SNED1: variants seen among roughly 807,000 people sequenced by gnomAD.
SNED1 encodes sushi, nidogen and EGF-like domain-containing protein 1.
Under a neutral mutation model 166.7 loss-of-function variants are expected in SNED1, and 81 were observed. That is an observed-to-expected ratio of 0.49 (90% CI 0.41 to 0.58). SNED1 has a LOEUF of 0.58. Among genes scored for constraint, SNED1 ranks in the 20% least tolerant of loss-of-function variants. SNED1 has a pLI of 0.00. For missense variants in SNED1, 1,604 were observed against 2,000.2 expected, an observed-to-expected ratio of 0.80 and a Z score of 3.78; for synonymous variants, 762 against 822.0, an observed-to-expected ratio of 0.93 and a Z score of 1.25.
At chr2:241,090,457 A>G (rs755121131) in intron 31 of SNED1, 8 of 1,531,566 alleles carry the variant, frequency 5.2e-6, no homozygotes, top group South Asian at 4.8e-5. Context: ...ACTCTAAAAT[A>G]ATGATGAAGA....
chr2:241,025,819 T>C (rs1016428924), intron 1 of SNED1, among the ~76,000 whole-genome samples: 1 of 152,104 alleles, frequency 6.6e-6, no homozygotes, highest in African/African-American at 2.4e-5. Context: ...CATTGTTGTA[T>C]ATGAGAAGTC....
intron 1 of SNED1, among the ~76,000 whole-genome samples, chr2:241,024,235 C>CTTTA (rs2060867517): frequency 2.1e-5 from 1 of 46,908 alleles, no homozygotes; most frequent in African/African-American, 8.4e-5. Context: ...ACTCTACTAC[C>CTTTA]TTTTTTTTTT....
chr2:241,005,084 A>C (rs1011969255), intron 1 of SNED1, among the ~76,000 whole-genome samples: 1 of 151,912 alleles, frequency 6.6e-6, no homozygotes, highest in Non-Finnish European at 1.5e-5. Context: ...AAAGTCTTTT[A>C]TATTTACCCA....
At chr2:241,076,275 G>A (rs1446741396) in intron 27 of SNED1, among the ~76,000 whole-genome samples, 1 of 152,002 alleles carries the variant, frequency 6.6e-6, no homozygotes, top group Non-Finnish European at 1.5e-5. Context: ...CATGGACATG[G>A]GATGTCTCTC....
chr2:241,001,899 G>A (rs2060088019), intron 1 of SNED1, among the ~76,000 whole-genome samples: 1 of 152,182 alleles, frequency 6.6e-6, no homozygotes, highest in Non-Finnish European at 1.5e-5. Flanking sequence ...CCGCAGGCAA[G>A]AAGGAGGAAT....
In SNED1 at chr2:241,068,594, G is replaced by T. The variant is rs12993047; in HGVS notation, c.3195-317G>T. ...ATCAACTCACCTGTGCTGAGGGCCC[G>T]TCCCCCATCCCTGCACAGTGACCAC... On this transcript the variant is annotated intron_variant, in intron 22 of 31. Coordinates refer to ENST00000310397, the MANE Select transcript of SNED1 (RefSeq NM_001080437.3). This position sits in a 1 kb window ranked among gnomAD's most constrained non-coding sequence, Gnocchi z 5.3. Among the ~76,000 whole-genome samples the T allele has an allele frequency of 6.6e-6, 1 of 151,788 alleles. No individual in the cohort carries two copies. Among genetic ancestry groups the T allele is most frequent in the African/African-American group, 2.4e-5 (1 of 41,290 alleles).
intron 21 of SNED1, among the ~76,000 whole-genome samples, chr2:241,066,284 G>A (rs1328375229): frequency 1.3e-5 from 2 of 152,184 alleles, no homozygotes; most frequent in African/African-American, 4.8e-5. Flanking sequence ...GATGCTGAGC[G>A]CTCTAGGGAA....
intron 1 of SNED1, among the ~76,000 whole-genome samples, chr2:241,020,587 C>G (rs761530196): frequency 3.9e-5 from 6 of 152,208 alleles, no homozygotes; most frequent in Non-Finnish European, 5.9e-5. Flanking sequence ...GCCACCAGGA[C>G]CTGTTGGGCG....
In SNED1 at chr2:241,036,741, C is replaced by A. The variant is rs374218670; in HGVS notation, c.806-49C>A. 52 of 1,598,356 alleles carry A rather than the reference C, an allele frequency of 3.3e-5. 1 individual carries two copies. In the East Asian group the frequency reaches 1.2e-3, roughly 36 times the overall value. ...ATGCGGATGGGAGTGGCTCTCCTGC[C>A]GAGTCCGGAGGCAGCGGCTGAGGCT... On this transcript the variant is annotated intron_variant, in intron 4 of 31. Coordinates refer to ENST00000310397, the MANE Select transcript of SNED1 (RefSeq NM_001080437.3).
At chr2:241,076,046 C>A (rs1650621553) in intron 27 of SNED1, among the ~76,000 whole-genome samples, 4 of 152,230 alleles carry the variant, frequency 2.6e-5, no homozygotes, top group African/African-American at 9.6e-5. Flanking sequence ...TTCACTCTAA[C>A]TTTGTAAGTC....
At chr2:241,090,213 T>A in intron 31 of SNED1, 1 of 1,478,860 alleles carries the variant, frequency 6.8e-7, no homozygotes, top group South Asian at 1.4e-5. Context: ...AATTTTTAAT[T>A]GTTTTTTACT....
intron 1 of SNED1, among the ~76,000 whole-genome samples, chr2:241,012,824 T>C (rs192131054): frequency 0.041 from 4,781 of 116,938 alleles, 111 homozygotes; most frequent in Admixed American, 0.05. Flanking sequence ...GTTTTTTTTT[T>C]CTTTTTTTTT....
chr2:241,062,954 A>G (rs2062290225), intron 17 of SNED1, 50 bp downstream of exon 17: 1 of 1,246,942 alleles, frequency 8.0e-7, no homozygotes, highest in South Asian at 1.4e-5. Context: ...CACACTGGCC[A>G]TGTGCCTGAG....
At chr2:241,078,516 G>T (rs566876828) in intron 27 of SNED1, among the ~76,000 whole-genome samples, 1 of 151,974 alleles carries the variant, frequency 6.6e-6, no homozygotes, top group South Asian at 2.1e-4. Flanking sequence ...TTGAAAACAT[G>T]CTAAGTGGAA....
intron 29 of SNED1, among the ~76,000 whole-genome samples, chr2:241,085,542 T>C (rs2063531558): frequency 6.6e-6 from 1 of 152,218 alleles, no homozygotes; most frequent in Non-Finnish European, 1.5e-5. Flanking sequence ...CCTCATCTGC[T>C]ATTTCTGTCA....
At position 241,092,194 on chromosome 2, in the gene SNED1, G is replaced by A. The variant is rs1279034972; in HGVS notation, c.*558G>A. ...CGCCCCTGCTCTGGTCCTCCAGCGTGTTTATGACGCTCGTGCAGGTCGACG... is the reference window on the plus strand; with the variant it reads ...CGCCCCTGCTCTGGTCCTCCAGCGTATTTATGACGCTCGTGCAGGTCGACG... On this transcript the variant is annotated 3_prime_UTR_variant, in exon 32 of 32. Coordinates refer to ENST00000310397, the MANE Select transcript of SNED1 (RefSeq NM_001080437.3). The surrounding 1 kb of genome is among the most constrained non-coding windows in gnomAD (Gnocchi z 4.6). 1.3e-5 allele frequency: 2 copies of A among 152,236 alleles called. No homozygotes were observed. The highest frequency in any genetic ancestry group is 6.5e-5 in the Admixed American group (1 of 15,276). The allele number at this position is 152,236 out of a possible 1,614,324, so 9.4% of individuals were successfully genotyped here.
At chr2:241,058,156 AAAAAG>A (rs2125148124) in intron 16 of SNED1, among the ~76,000 whole-genome samples, 1 of 152,348 alleles carries the variant, frequency 6.6e-6, no homozygotes, top group South Asian at 2.1e-4. Flanking sequence ...TTACTATCAG[AAAAAG>A]AAGAGTATAA....
chr2:241,062,475 T>C (rs1412505170), intron 16 of SNED1, among the ~76,000 whole-genome samples: 3 of 152,204 alleles, frequency 2.0e-5, no homozygotes, highest in Non-Finnish European at 4.4e-5. Flanking sequence ...AGATGGGACA[T>C]GAGACATTTT....
chr2:241,089,236 G>A, intron 31 of SNED1: 1 of 1,439,438 alleles, frequency 6.9e-7, no homozygotes, highest in Non-Finnish European at 9.3e-7. Flanking sequence ...ATCTCTGGTT[G>A]GCCTAGGACA....
Sources: gnomAD v4.1 joint callset for allele counts (sites outside exome capture counted in the v4.1 genomes callset) on GRCh38, gnomAD v4.1.1 for gene constraint, Gnocchi (gnomAD v3.1) non-coding constraint, MANE v1.5 for transcripts, NCBI Gene and HGNC (gene_info 2026-07-23, HGNC 2026-07-21) for gene names.